Variants in NALF1 observed in about 807,000 individuals in gnomAD.
NALF1 encodes the protein family with sequence similarity 155 member A.
Under a neutral mutation model 48.4 loss-of-function variants are expected in NALF1, and 3 were observed. That is an observed-to-expected ratio of 0.06 (90% CI 0.03 to 0.16). The LOEUF is 0.16. NALF1 is among the 10% of genes least tolerant of loss of function. NALF1 has a pLI of 1.00. For synonymous variants in NALF1, 262 were observed against 245.7 expected, an observed-to-expected ratio of 1.07 and a Z score of -0.62; for missense variants, 526 against 571.5, an observed-to-expected ratio of 0.92 and a Z score of 0.81.
At chr13:107,773,888 AAAAT>A (rs1338907470) in intron 1 of NALF1, among the ~76,000 whole-genome samples, 3 of 152,166 alleles carry the variant, frequency 2.0e-5, no homozygotes, top group Non-Finnish European at 4.4e-5. Flanking sequence ...TAATAATAAA[AAAAT>A]AAAATGAGTG....
At chr13:107,448,475 T>A (rs1427516313) in intron 1 of NALF1, among the ~76,000 whole-genome samples, 1 of 152,184 alleles carries the variant, frequency 6.6e-6, no homozygotes, top group Non-Finnish European at 1.5e-5. Flanking sequence ...GTTGGTCTTG[T>A]CTCTGCAAGT....
intron 1 of NALF1, among the ~76,000 whole-genome samples, chr13:107,859,995 C>T (rs1324469947): frequency 6.6e-6 from 1 of 150,596 alleles, no homozygotes; most frequent in Non-Finnish European, 1.5e-5. Flanking sequence ...TACAATGATG[C>T]TTGATTTCTT....
chr13:107,448,333 A>C (rs1355296256), intron 1 of NALF1, among the ~76,000 whole-genome samples: 19 of 151,880 alleles, frequency 1.3e-4, no homozygotes, highest in Admixed American at 6.6e-4. Context: ...AATTTTTAGC[A>C]ATGGCCATCT....
rs911090510 is a variant in NALF1, at chr13:107,163,905, A to G, written c.*6592T>C. 2.0e-5 allele frequency: 3 copies of G among 152,208 alleles called. No individual in the cohort carries two copies. The highest frequency in any genetic ancestry group is 7.2e-5 in the African/African-American group (3 of 41,458). 9.4% of individuals were successfully genotyped at this position (152,208 alleles called of 1,614,324 possible). On this transcript the variant is annotated 3_prime_UTR_variant, in exon 3 of 3. Coordinates refer to ENST00000375915, the MANE Select transcript of NALF1 (RefSeq NM_001080396.3). ...AGAAAACAAGAGAAAAAGGAAGAAA[A>G]AGAAAGCAAGAGGTTTTCTTTTAAC...
intron 1 of NALF1, among the ~76,000 whole-genome samples, chr13:107,497,495 G>A (rs146056470): frequency 0.013 from 1,957 of 152,248 alleles, 23 homozygotes; most frequent in South Asian, 0.036. Flanking sequence ...TGGTCGTGCT[G>A]ATCACCAGGT....
At chr13:107,371,563 T>C (rs987083604) in intron 1 of NALF1, among the ~76,000 whole-genome samples, 5 of 151,864 alleles carry the variant, frequency 3.3e-5, no homozygotes, top group Non-Finnish European at 5.9e-5. Context: ...TTCTTAAGAG[T>C]CTCCTTAAAC....
At chr13:107,577,976 A>C (rs2138407706) in intron 1 of NALF1, among the ~76,000 whole-genome samples, 1 of 152,268 alleles carries the variant, frequency 6.6e-6, no homozygotes, top group South Asian at 2.1e-4. Flanking sequence ...TTTCCAGCTT[A>C]AAACCCTTTG....
intron 1 of NALF1, among the ~76,000 whole-genome samples, chr13:107,813,019 G>T (rs1179126361): frequency 1.3e-5 from 2 of 152,068 alleles, no homozygotes; most frequent in Admixed American, 6.6e-5. Flanking sequence ...GCCTCCCAAA[G>T]TGCTGGGATT....
chr13:107,335,768 A>C (rs1354391994), intron 1 of NALF1, among the ~76,000 whole-genome samples: 2 of 152,190 alleles, frequency 1.3e-5, no homozygotes, highest in Non-Finnish European at 2.9e-5. Flanking sequence ...ATTTACCTCC[A>C]CCTACCTTTT....
Position 107,866,062 on chromosome 13 carries a change from C to T in NALF1, c.535G>A (p.Gly179Ser), listed in dbSNP as rs752264469. 4 of 1,612,878 alleles carry T rather than the reference C, an allele frequency of 2.5e-6. No individual in the cohort carries two copies. Among genetic ancestry groups the T allele is most frequent in the Non-Finnish European group, 8.5e-7 (1 of 1,179,972 alleles). ...ETCYPQGASSGQCFTVENADA... is the reference protein window; with the variant it reads ...ETCYPQGASSSQCFTVENADA... ...GCATTCTCCACCGTGAAGCACTGGC[C>T]CGAGGACGCGCCCTGGGGGTAACAA... The change falls in exon 1 of 3, where the codon GGC becomes AGC. Residue 179 changes from glycine (G) to serine (S), a missense_variant. Transcript: ENST00000375915. This position sits in a 1 kb window ranked among gnomAD's most constrained non-coding sequence, Gnocchi z 4.4.
chr13:107,471,205 C>T (rs1212811156), intron 1 of NALF1, among the ~76,000 whole-genome samples: 3 of 151,482 alleles, frequency 2.0e-5, no homozygotes, highest in African/African-American at 7.4e-5. Flanking sequence ...ACCAAATTAC[C>T]ATGTGAGACA....
At chr13:107,177,922 C>T (rs1878971587) in intron 2 of NALF1, among the ~76,000 whole-genome samples, 1 of 152,148 alleles carries the variant, frequency 6.6e-6, no homozygotes, top group East Asian at 1.9e-4. Context: ...TGGTGGCAAG[C>T]CTGTAATCCC....
At chr13:107,240,110 C>T (rs778304742) in intron 1 of NALF1, among the ~76,000 whole-genome samples, 3 of 152,154 alleles carry the variant, frequency 2.0e-5, no homozygotes, top group Non-Finnish European at 2.9e-5. Flanking sequence ...GATTGTATGC[C>T]TACAAAGTTG....
Position 107,374,746 on chromosome 13 carries a change from ATT to A in NALF1, c.916-163993_916-163992del, listed in dbSNP as rs200841798. 5.2e-3 allele frequency among the ~76,000 whole-genome samples: 785 copies of A among 152,188 alleles called. 1 individual carries two copies. The highest frequency in any genetic ancestry group is 9.2e-3 in the Non-Finnish European group (628 of 67,996). ...GAGTCCTCATGAATGGATTAATGTC[ATT>A]ATCATGGAAGTGGGTTTGTTATGAA... On this transcript the variant is annotated intron_variant, in intron 1 of 2. Coordinates refer to ENST00000375915, the MANE Select transcript of NALF1 (RefSeq NM_001080396.3).
chr13:107,792,073 T>A (rs1048016974), intron 1 of NALF1, among the ~76,000 whole-genome samples: 1 of 152,206 alleles, frequency 6.6e-6, no homozygotes, highest in African/African-American at 2.4e-5. Context: ...ATAAGTGGAA[T>A]TTTAAAATGT....
chr13:107,198,164 T>C (rs903893310), intron 2 of NALF1, among the ~76,000 whole-genome samples: 2 of 152,186 alleles, frequency 1.3e-5, no homozygotes, highest in African/African-American at 4.8e-5. Flanking sequence ...TTTTCAGCAA[T>C]ATTGAGCAGA....
At chr13:107,822,175 T>C (rs1021550457) in intron 1 of NALF1, among the ~76,000 whole-genome samples, 1 of 152,086 alleles carries the variant, frequency 6.6e-6, no homozygotes, top group African/African-American at 2.4e-5. Context: ...AGATAGGAAA[T>C]AGGGTCATCA....
Position 107,229,852 on chromosome 13 carries a change from C to G in NALF1, c.916-19097G>C, listed in dbSNP as rs112148720. ...CCCAGGTTCACTCCTCTTTCCATTG[C>G]TGCCTCAGCAGAACTATTTTTCTTG... is the stretch of plus-strand genomic sequence containing the variant. On this transcript the variant is annotated intron_variant, in intron 1 of 2. Coordinates refer to ENST00000375915, the MANE Select transcript of NALF1 (RefSeq NM_001080396.3). 3.7e-3 allele frequency among the ~76,000 whole-genome samples: 569 copies of G among 152,304 alleles called. 7 individuals are homozygous for G. The highest frequency in any genetic ancestry group is 0.013 in the African/African-American group (531 of 41,568).
At chr13:107,282,447 A>C (rs1881407175) in intron 1 of NALF1, among the ~76,000 whole-genome samples, 1 of 152,178 alleles carries the variant, frequency 6.6e-6, no homozygotes, top group Non-Finnish European at 1.5e-5. Flanking sequence ...GTTGACTAAG[A>C]GGATATTGGC....
Sources: gnomAD v4.1 joint callset for allele counts (sites outside exome capture counted in the v4.1 genomes callset) on GRCh38, gnomAD v4.1.1 for gene constraint, Gnocchi (gnomAD v3.1) non-coding constraint, MANE v1.5 for transcripts, NCBI Gene and HGNC (gene_info 2026-07-23, HGNC 2026-07-21) for gene names.